The following ALDH6A1 variants were observed in gnomAD, a reference collection of about 807,000 sequenced individuals.
ALDH6A1 encodes the protein aldehyde dehydrogenase 6 family member A1, also known as methylmalonate-semialdehyde/malonate-semialdehyde dehydrogenase [acylating], mitochondrial.
ALDH6A1 carries 43 observed loss-of-function variants against 62.6 expected under a neutral mutation model. That is an observed-to-expected ratio of 0.69 (90% CI 0.54 to 0.89). The LOEUF (loss-of-function observed/expected upper bound fraction) is 0.89. Ranked by LOEUF, ALDH6A1 falls within the 40% of genes least tolerant of loss-of-function variation. The pLI is 0.00. For synonymous variants in ALDH6A1, 194 were observed against 234.2 expected (o/e 0.83, Z 1.57); for missense variants, 551 against 661.3 (o/e 0.83, Z 1.83).
intron 2 of ALDH6A1, among the ~76,000 whole-genome samples, chr14:74,074,701 T>G (rs2060593349): frequency 6.6e-6 from 1 of 152,142 alleles, no homozygotes; most frequent in Admixed American, 6.6e-5. Flanking sequence ...AGACAGATGA[T>G]CTGTAAAAAC....
intron 11 of ALDH6A1, 32 bp downstream of exon 11, chr14:74,064,790 G>A: frequency 6.2e-7 from 1 of 1,612,830 alleles, no homozygotes; most frequent in Non-Finnish European, 8.5e-7. Flanking sequence ...ATTTCTTAAA[G>A]GAAAAGACAA....
chr14:74,057,171 C>T lies in ALDH6A1; in HGVS notation c.*3471G>A. 2.5e-6 allele frequency: 4 copies of T among 1,613,112 alleles called. No individual in the cohort carries two copies. The highest frequency in any genetic ancestry group is 3.4e-6 in the Non-Finnish European group (4 of 1,179,280). On this transcript the variant is annotated 3_prime_UTR_variant, in exon 12 of 12. Coordinates refer to ENST00000553458, the MANE Select transcript of ALDH6A1 (RefSeq NM_005589.4). The stretch of plus-strand genomic sequence containing the variant: ...ATGAAAGTAAGCTTCAAGATAAAAT[C>T]TTCATCACCCAGCAAATTGCAATAT...
chr14:74,057,715 T>C lies in ALDH6A1; in HGVS notation c.*2927A>G. The stretch of plus-strand genomic sequence containing the variant: ...AATTTGTTATTCATAATTAGTACAA[T>C]GTAGAATCTGAGAAATTTCAAATGA... On this transcript the variant is annotated 3_prime_UTR_variant, in exon 12 of 12. Coordinates refer to ENST00000553458, the MANE Select transcript of ALDH6A1 (RefSeq NM_005589.4). The C allele has an allele frequency of 8.4e-7, 1 of 1,192,650 alleles. No individual in the cohort carries two copies. The highest frequency in any genetic ancestry group is 1.1e-6 in the Non-Finnish European group (1 of 947,476). The allele number at this position is 1,192,650 out of a possible 1,614,324, so 73.9% of individuals were successfully genotyped here. A position where few individuals can be genotyped will look rare whatever the true frequency, so the allele number is the denominator to read the frequency against.
chr14:74,059,312 C>T lies in ALDH6A1; in HGVS notation c.*1330G>A, dbSNP rs1307296837. 2.2e-6 allele frequency: 1 copy of T among 451,596 alleles called. No individual in the cohort carries two copies. The highest frequency in any genetic ancestry group is 4.5e-6 in the Non-Finnish European group (1 of 224,586). 28.0% of individuals were successfully genotyped at this position (451,596 alleles called of 1,614,324 possible). Reference sequence around the variant, plus strand: ...GGCAAGTAATAGCAGGTTAGATTTGCTTAAGGCAGGTGTCTTACCCATTTT... The same window carrying T: ...GGCAAGTAATAGCAGGTTAGATTTGTTTAAGGCAGGTGTCTTACCCATTTT... On this transcript the variant is annotated 3_prime_UTR_variant, in exon 12 of 12. Coordinates refer to ENST00000553458, the MANE Select transcript of ALDH6A1 (RefSeq NM_005589.4).
intron 1 of ALDH6A1, among the ~76,000 whole-genome samples, chr14:74,076,359 T>A (rs572266172): frequency 2.6e-5 from 4 of 152,098 alleles, no homozygotes; most frequent in Admixed American, 1.3e-4. Flanking sequence ...TCTGTATATA[T>A]GTTATCAAAG....
At chr14:74,066,927 T>C in intron 8 of ALDH6A1, 41 bp from the exon 9 acceptor site, 1 of 1,582,988 alleles carries the variant, frequency 6.3e-7, no homozygotes, top group Admixed American at 1.7e-5. Context: ...CTCATTAACA[T>C]AAATTATGAC....
intron 6 of ALDH6A1, 167 bp from the exon 7 acceptor site, chr14:74,069,148 A>G: frequency 1.5e-6 from 1 of 652,836 alleles, no homozygotes. Context: ...TCTGTTGCCC[A>G]GGCTGGAGTG....
At chr14:74,066,964 C>T in intron 8 of ALDH6A1, 78 bp from the exon 9 acceptor site, 1 of 1,442,806 alleles carries the variant, frequency 6.9e-7, no homozygotes, top group Non-Finnish European at 9.7e-7. Flanking sequence ...GCCTGTAATC[C>T]CAAAGCTTTA....
At chr14:74,065,631 C>T (rs1595116023) in intron 9 of ALDH6A1, 2 of 403,992 alleles carry the variant, frequency 5.0e-6, no homozygotes, top group East Asian at 9.7e-5. Flanking sequence ...CATGACCCAT[C>T]ATCAGCTGCC....
chr14:74,084,445 A>G lies in ALDH6A1; in HGVS notation c.-51T>C, dbSNP rs1448611751. 8 of 1,604,658 alleles carry G rather than the reference A, an allele frequency of 5.0e-6. No individual in the cohort carries two copies. Among genetic ancestry groups the G allele is most frequent in the East Asian group, 2.2e-5 (1 of 44,636 alleles). On this transcript the variant is annotated 5_prime_UTR_variant, in exon 1 of 12. Transcript: ENST00000553458. ...CCCCGCGCCTCTACTGCCCAGAAGC[A>G]CTACAGCTGCCAGGCCTCGCCCTCC...
intron 7 of ALDH6A1, 21 bp from the exon 8 acceptor site, chr14:74,067,590 C>A (rs2060487893): frequency 6.2e-7 from 1 of 1,613,030 alleles, no homozygotes; most frequent in Non-Finnish European, 8.5e-7. Flanking sequence ...ATGCAGAAAG[C>A]ACATGAGTCT....
intron 7 of ALDH6A1, among the ~76,000 whole-genome samples, chr14:74,067,997 TAA>T (rs35503985): frequency 2.9e-4 from 39 of 132,910 alleles, no homozygotes; most frequent in Non-Finnish European, 2.4e-4. Context: ...AGAGCAATGT[TAA>T]AAAAAAAAAA....
At position 74,078,306 on chromosome 14, in the gene ALDH6A1, G is replaced by A. The variant is rs115709806; in HGVS notation, c.49-3289C>T. 9.9e-3 allele frequency: 4,520 copies of A among 454,924 alleles called. 61 individuals carry two copies. Among genetic ancestry groups the A allele is most frequent in the Middle Eastern group, 0.035 (106 of 3,066 alleles). 28.2% of individuals were successfully genotyped at this position (454,924 alleles called of 1,614,324 possible). ...CCAGCAAGCTCCATGCAGGAAAAGT[G>A]ACCGAGACAGTGGTGCACGATCAAT... is the stretch of plus-strand genomic sequence containing the variant. On this transcript the variant is annotated intron_variant, in intron 1 of 11. Coordinates refer to ENST00000553458, the MANE Select transcript of ALDH6A1 (RefSeq NM_005589.4).
chr14:74,074,367 A>G (rs952507976), intron 2 of ALDH6A1, among the ~76,000 whole-genome samples: 6 of 151,008 alleles, frequency 4.0e-5, no homozygotes, highest in African/African-American at 1.5e-4. Context: ...GCTCACTGCA[A>G]CCTCCGCCTC....
At chr14:74,071,794 C>T (rs1321325974) in intron 5 of ALDH6A1, 102 bp downstream of exon 5, 25 of 1,496,552 alleles carry the variant, frequency 1.7e-5, no homozygotes, top group Non-Finnish European at 2.2e-5. Flanking sequence ...CATGGGATGG[C>T]AAAATCTATG....
Position 74,060,656 on chromosome 14 carries a change from TA to T in ALDH6A1, c.1593del (p.Thr532ProfsTer10). On this transcript the variant is annotated frameshift_variant, in exon 12 of 12. Coordinates refer to ENST00000553458, the MANE Select transcript of ALDH6A1 (RefSeq NM_005589.4). LOFTEE classifies it high-confidence loss of function. ...ATLSSPAVVMPTMGR is the reference protein window; with the variant it reads ...ATLSSPAVVMXTMGR Reference sequence around the variant, plus strand: ...CAAACTTGTTTCTAACGGCCCATGGTAGGCATGACAACAGCAGGTGAGGAAA... The same window carrying T: ...CAAACTTGTTTCTAACGGCCCATGGTGGCATGACAACAGCAGGTGAGGAAA... 6.2e-7 allele frequency: 1 copy of T among 1,611,580 alleles called. No individual in the cohort carries two copies. Among genetic ancestry groups the T allele is most frequent in the Non-Finnish European group, 8.5e-7 (1 of 1,177,676 alleles).
rs145733579 is a variant in ALDH6A1 at position 74,067,072 on chromosome 14, C to T, written c.1043-186G>A. On this transcript the variant is annotated intron_variant, in intron 8 of 11. Coordinates refer to ENST00000553458, the MANE Select transcript of ALDH6A1 (RefSeq NM_005589.4). ...ATTTACAAAAAATAAAAAAATTAGCCAGGTGGTGGCCCGCACCTGTGGTCC... is the reference window on the plus strand; with the variant it reads ...ATTTACAAAAAATAAAAAAATTAGCTAGGTGGTGGCCCGCACCTGTGGTCC... 4.1e-3 allele frequency among the ~76,000 whole-genome samples: 631 copies of T among 152,116 alleles called. 4 individuals carry two copies. The highest frequency in any genetic ancestry group is 6.4e-3 in the Non-Finnish European group (438 of 68,000).
intron 9 of ALDH6A1, chr14:74,065,981 A>G (rs2060456986): frequency 6.4e-6 from 1 of 155,672 alleles, no homozygotes; most frequent in Non-Finnish European, 1.4e-5. Context: ...TTGATGATTC[A>G]CTATTATAGT....
In ALDH6A1 at chr14:74,059,994, AAG is replaced by A. The variant is rs2060304130; in HGVS notation, c.*646_*647del. 6.5e-6 allele frequency: 1 copy of A among 154,604 alleles called. No individual in the cohort carries two copies. Among genetic ancestry groups the A allele is most frequent in the South Asian group, 2.0e-4 (1 of 5,028 alleles). 9.6% of individuals were successfully genotyped at this position (154,604 alleles called of 1,614,324 possible). ...TTATATCTTGTGTATTGTGGGATAA[AAG>A]AGGGGCTAAAGAAAACTTTGCAGGA... On this transcript the variant is annotated 3_prime_UTR_variant, in exon 12 of 12. Coordinates refer to ENST00000553458, the MANE Select transcript of ALDH6A1 (RefSeq NM_005589.4).
Sources: allele counts gnomAD v4.1 joint callset (sites outside exome capture counted in the v4.1 genomes callset), GRCh38; gene constraint gnomAD v4.1.1; transcripts MANE v1.5; gene names NCBI Gene and HGNC (gene_info 2026-07-23, HGNC 2026-07-21).